Variants in NMD3 observed in about 807,000 individuals in gnomAD.
The protein encoded by NMD3 is NMD3 ribosome export adaptor.
NMD3 carries 47 observed loss-of-function variants against 73.1 expected under a neutral mutation model. That is an observed-to-expected ratio of 0.64 (90% confidence interval 0.51 to 0.82). The LOEUF (loss-of-function observed/expected upper bound fraction) is 0.82, where lower values mean the gene tolerates loss of function less well. NMD3 is among the 40% of genes least tolerant of loss of function. NMD3 has a pLI of 0.00. For missense variants in NMD3, 554 were observed against 612.5 expected (o/e 0.90, Z 1.01); for synonymous variants, 210 against 194.5 (o/e 1.08, Z -0.66).
At chr3:161,245,086 A>G (rs1737147240) in intron 11 of NMD3, among the ~76,000 whole-genome samples, 2 of 151,976 alleles carry the variant, frequency 1.3e-5, no homozygotes, top group South Asian at 4.1e-4. Flanking sequence ...TTCTTCAAAG[A>G]TGAAAGTCTG....
chr3:161,244,757 C>A (rs1737133115), intron 11 of NMD3, among the ~76,000 whole-genome samples: 1 of 151,678 alleles, frequency 6.6e-6, no homozygotes, highest in South Asian at 2.1e-4. Flanking sequence ...GATCTTACCA[C>A]CTCAGCATGC....
intron 11 of NMD3, 120 bp downstream of exon 11, chr3:161,242,773 C>A: frequency 6.8e-6 from 5 of 734,354 alleles, no homozygotes; most frequent in East Asian, 2.9e-5. Flanking sequence ...CTTAGCACCA[C>A]ATTAGGAAAA....
At chr3:161,239,379 A>T (rs1576852589) in intron 9 of NMD3, among the ~76,000 whole-genome samples, 2 of 152,226 alleles carry the variant, frequency 1.3e-5, no homozygotes, top group African/African-American at 4.8e-5. Context: ...ATAAATAGTT[A>T]TTGAGTATCT....
chr3:161,246,107 C>G (rs1413369558), intron 11 of NMD3, among the ~76,000 whole-genome samples: 1 of 152,030 alleles, frequency 6.6e-6, no homozygotes, highest in Non-Finnish European at 1.5e-5. Context: ...TGAATAAAAT[C>G]TTAGAAAAAG....
In NMD3 at chr3:161,235,814, A is replaced by G. The variant is rs1736733826; in HGVS notation, c.577+602A>G. Among the ~76,000 whole-genome samples, 2 of 152,094 alleles carry G rather than the reference A, an allele frequency of 1.3e-5. 1 individual carries two copies. The highest frequency in any genetic ancestry group is 1.3e-4 in the Admixed American group (2 of 15,268). Reference sequence around the variant, plus strand: ...TCTAGCTTTTTAGATTCTTGGTATAAAATTGAACAAATAAAATAAATCTCA... The same window carrying G: ...TCTAGCTTTTTAGATTCTTGGTATAGAATTGAACAAATAAAATAAATCTCA... On this transcript the variant is annotated intron_variant, in intron 7 of 15. Coordinates refer to ENST00000351193, the MANE Select transcript of NMD3 (RefSeq NM_015938.5).
intron 9 of NMD3, among the ~76,000 whole-genome samples, chr3:161,240,228 C>G (rs1324405526): frequency 1.3e-5 from 2 of 152,094 alleles, no homozygotes; most frequent in Non-Finnish European, 2.9e-5. Flanking sequence ...AGTTTAAAAA[C>G]AGATAATTAC....
chr3:161,230,785 T>C (rs1265254376), intron 4 of NMD3, among the ~76,000 whole-genome samples: 4 of 152,100 alleles, frequency 2.6e-5, no homozygotes, highest in African/African-American at 9.7e-5. Context: ...AGGGAAGGTG[T>C]TGAGTGGGAG....
chr3:161,226,171 A>T (rs531184419), intron 3 of NMD3, among the ~76,000 whole-genome samples: 85 of 152,140 alleles, frequency 5.6e-4, no homozygotes, highest in African/African-American at 2.0e-3. Flanking sequence ...GTTTACTCAT[A>T]GGCCAGGCTT....
intron 3 of NMD3, 98 bp from the exon 4 acceptor site, chr3:161,227,149 T>C (rs1736349565): frequency 1.4e-6 from 1 of 705,880 alleles, no homozygotes; most frequent in Non-Finnish European, 2.4e-6. Context: ...GGTTTTATTA[T>C]GCCTGGTTAA....
chr3:161,224,999 T>A lies in NMD3; in HGVS notation c.114T>A (p.Ser38Arg). 6.2e-7 allele frequency: 1 copy of A among 1,614,038 alleles called. No individual in the cohort carries two copies. Among genetic ancestry groups the A allele is most frequent in the Non-Finnish European group, 8.5e-7 (1 of 1,179,966 alleles). ...PANICVACLRSKVDISQGIPK... is the reference protein window; with the variant it reads ...PANICVACLRRKVDISQGIPK... ...ATATTTGTGTGGCCTGTTTGCGAAG[T>A]AAAGTGGACATCAGCCAAGGTATTC... is the stretch of plus-strand genomic sequence containing the variant. The change falls in exon 3 of 16, where the codon AGT becomes AGA. Residue 38 changes from serine (S) to arginine (R), a missense_variant. By Grantham distance (110) the Ser-to-Arg change is moderately radical. Transcript: ENST00000351193.
chr3:161,245,426 A>G (rs1246149580), intron 11 of NMD3, among the ~76,000 whole-genome samples: 1 of 152,004 alleles, frequency 6.6e-6, no homozygotes, highest in Non-Finnish European at 1.5e-5. Flanking sequence ...GCTAGAAAGT[A>G]AATCCTGTTA....
At chr3:161,246,777 T>G (rs1294104780) in intron 12 of NMD3, among the ~76,000 whole-genome samples, 1 of 152,204 alleles carries the variant, frequency 6.6e-6, no homozygotes, top group African/African-American at 2.4e-5. Flanking sequence ...CTCAGATAAC[T>G]CACTTTTAAG....
At chr3:161,240,983 T>A (rs1736952805) in intron 9 of NMD3, 63 bp from the exon 10 acceptor site, 3 of 939,704 alleles carry the variant, frequency 3.2e-6, no homozygotes, top group African/African-American at 3.3e-5. Context: ...TGTTTATTGA[T>A]GAGTGTTTAT....
intron 3 of NMD3, 53 bp downstream of exon 3, chr3:161,225,117 A>ACG: frequency 6.6e-7 from 1 of 1,519,374 alleles, no homozygotes; most frequent in Non-Finnish European, 8.9e-7. Flanking sequence ...ACATTTAGAG[A>ACG]ACCACCGAGA....
intron 13 of NMD3, 33 bp from the exon 14 acceptor site, chr3:161,249,421 T>C (rs775117352): frequency 7.0e-7 from 1 of 1,426,892 alleles, no homozygotes; most frequent in South Asian, 1.2e-5. Flanking sequence ...ATAGTTCCCA[T>C]TCTTTGTAAC....
rs775280737 is a variant in NMD3, at chr3:161,225,002, A to C, written c.117A>C (p.Lys39Asn). 1 of 1,614,056 alleles carries C rather than the reference A, an allele frequency of 6.2e-7. No individual in the cohort carries two copies. The highest frequency in any genetic ancestry group is 8.5e-7 in the Non-Finnish European group (1 of 1,179,982). ...TTTGTGTGGCCTGTTTGCGAAGTAAAGTGGACATCAGCCAAGGTATTCCGA... is the reference window on the plus strand; with the variant it reads ...TTTGTGTGGCCTGTTTGCGAAGTAACGTGGACATCAGCCAAGGTATTCCGA... Reference protein sequence around the residue: ...ANICVACLRSKVDISQGIPKQ... With the variant: ...ANICVACLRSNVDISQGIPKQ... The change falls in exon 3 of 16, where the codon AAA becomes AAC. Residue 39 changes from lysine (K) to asparagine (N), a missense_variant. Transcript: ENST00000351193.
intron 4 of NMD3, 104 bp from the exon 5 acceptor site, chr3:161,233,295 C>A: frequency 1.4e-6 from 1 of 692,282 alleles, no homozygotes; most frequent in South Asian, 2.0e-5. Flanking sequence ...ATCACAGATT[C>A]CTTAAGCATC....
At chr3:161,243,713 C>T (rs764117751) in intron 11 of NMD3, among the ~76,000 whole-genome samples, 2 of 152,064 alleles carry the variant, frequency 1.3e-5, no homozygotes, top group African/African-American at 4.8e-5. Context: ...GAAAGTTGAT[C>T]TAAAGGTTTG....
chr3:161,237,382 TGA>T (rs1393722995), intron 7 of NMD3, among the ~76,000 whole-genome samples: 1 of 152,134 alleles, frequency 6.6e-6, no homozygotes, highest in African/African-American at 2.4e-5. Flanking sequence ...ATTTTGGTTT[TGA>T]GAGAGTCCTA....
Sources: allele counts gnomAD v4.1 joint callset (sites outside exome capture counted in the v4.1 genomes callset), GRCh38; gene constraint gnomAD v4.1.1; transcripts MANE v1.5; gene names NCBI Gene and HGNC (gene_info 2026-07-23, HGNC 2026-07-21).